GPM6A: variants seen among roughly 807,000 people sequenced by gnomAD.
GPM6A encodes neuronal membrane glycoprotein M6-a.
In GPM6A, 7 loss-of-function variants were observed where a neutral mutation model predicts 32.1. The ratio of observed to expected loss-of-function variants is 0.22; its 90% CI spans 0.12 to 0.41. The LOEUF (loss-of-function observed/expected upper bound fraction) is 0.41, where lower values mean the gene tolerates loss of function less well. Ranked by LOEUF, GPM6A falls within the 10% of genes least tolerant of loss-of-function variation. The pLI is 1.00. For missense variants in GPM6A, 235 were observed against 347.2 expected (o/e 0.68, Z 2.57); for synonymous variants, 130 against 123.4 (o/e 1.05, Z -0.35).
At chr4:175,646,784 C>G (rs558548134) in intron 4 of GPM6A, among the ~76,000 whole-genome samples, 1 of 152,166 alleles carries the variant, frequency 6.6e-6, no homozygotes, top group Non-Finnish European at 1.5e-5. Flanking sequence ...TGAAGCTGAC[C>G]AGATCACCAC....
intron 1 of GPM6A, among the ~76,000 whole-genome samples, chr4:175,949,108 T>C (rs1428915732): frequency 6.6e-6 from 1 of 152,084 alleles, no homozygotes; most frequent in Non-Finnish European, 1.5e-5. Flanking sequence ...GTAGCTAACT[T>C]AAACATTCAC....
intron 1 of GPM6A, among the ~76,000 whole-genome samples, chr4:175,991,075 C>CTT (rs36032066): frequency 0.13 from 17,551 of 140,028 alleles, 1,202 homozygotes; most frequent in East Asian, 0.23. Context: ...ATCTTTCTTT[C>CTT]TTTTTTTTTT....
chr4:175,874,172 A>G (rs1002754449), intron 1 of GPM6A, among the ~76,000 whole-genome samples: 2 of 152,170 alleles, frequency 1.3e-5, no homozygotes, highest in Admixed American at 6.6e-5. Context: ...GCACATCTTC[A>G]TGTTCCGCAG....
chr4:175,656,571 A>G (rs1016895533), intron 3 of GPM6A, among the ~76,000 whole-genome samples: 1 of 152,162 alleles, frequency 6.6e-6, no homozygotes, highest in Non-Finnish European at 1.5e-5. Flanking sequence ...AAACAGAACT[A>G]CAAGAGGCAA....
intron 1 of GPM6A, among the ~76,000 whole-genome samples, chr4:175,713,651 A>T (rs1745674710): frequency 6.6e-6 from 1 of 152,234 alleles, no homozygotes; most frequent in Non-Finnish European, 1.5e-5. Context: ...CATTACCAAA[A>T]ACAAACTCAA....
upstream of GPM6A, among the ~76,000 whole-genome samples, chr4:175,817,134 G>A (rs1055627494): frequency 2.0e-5 from 3 of 152,068 alleles, no homozygotes; most frequent in South Asian, 2.1e-4. Flanking sequence ...CTGGGATTAC[G>A]GGCGTGAGCC....
At chr4:175,996,379 C>T (rs1367015182) in intron 1 of GPM6A, among the ~76,000 whole-genome samples, 1 of 152,174 alleles carries the variant, frequency 6.6e-6, no homozygotes, top group Admixed American at 6.6e-5. Context: ...GTAAAGCTAA[C>T]ACATTCTTGA....
chr4:175,964,115 G>A (rs1740256608), intron 1 of GPM6A, among the ~76,000 whole-genome samples: 1 of 151,076 alleles, frequency 6.6e-6, no homozygotes, highest in African/African-American at 2.4e-5. Context: ...GAGAGAGAGA[G>A]AAAGAAACAA....
At chr4:175,847,849 G>A (rs2111396591) in intron 1 of GPM6A, among the ~76,000 whole-genome samples, 1 of 152,218 alleles carries the variant, frequency 6.6e-6, no homozygotes, top group African/African-American at 2.4e-5. Context: ...AGTGCTTTAG[G>A]ATGTAAAAGC....
intron 1 of GPM6A, among the ~76,000 whole-genome samples, chr4:175,925,850 C>CTTTTTTTTTTTTTT (rs60669466): frequency 2.2e-5 from 3 of 135,120 alleles, no homozygotes; most frequent in Admixed American, 7.5e-5. Flanking sequence ...CTTTTCTTTT[C>CTTTTTTTTTTTTTT]TTTTTTTTTT....
At chr4:175,970,264 G>A (rs1476494842) in intron 1 of GPM6A, among the ~76,000 whole-genome samples, 2 of 152,150 alleles carry the variant, frequency 1.3e-5, no homozygotes, top group Non-Finnish European at 2.9e-5. Context: ...CTTTGTAACA[G>A]AGAAGGAAAC....
intron 2 of GPM6A, among the ~76,000 whole-genome samples, chr4:175,695,002 C>T (rs1744498804): frequency 6.6e-6 from 1 of 152,228 alleles, no homozygotes; most frequent in South Asian, 2.1e-4. Context: ...CAACTCGGGC[C>T]ACTGCTTCAG....
intron 1 of GPM6A, among the ~76,000 whole-genome samples, chr4:175,852,670 G>T (rs1015202943): frequency 6.6e-6 from 1 of 152,140 alleles, no homozygotes; most frequent in Non-Finnish European, 1.5e-5. Flanking sequence ...ATGGGGTTTG[G>T]AAAATAATTT....
chr4:175,974,769 A>ATATT, intron 1 of GPM6A, among the ~76,000 whole-genome samples: 1 of 151,390 alleles, frequency 6.6e-6, no homozygotes, highest in Middle Eastern at 3.5e-3. Flanking sequence ...GGCAGCCTCA[A>ATATT]CATTCCAAGG....
At chr4:175,706,655 G>A (rs575815040) in intron 1 of GPM6A, among the ~76,000 whole-genome samples, 2 of 152,260 alleles carry the variant, frequency 1.3e-5, no homozygotes, top group Non-Finnish European at 2.9e-5. Flanking sequence ...TGTCCCATTA[G>A]TCTGTCTATC....
intron 1 of GPM6A, among the ~76,000 whole-genome samples, chr4:175,985,096 T>C (rs1377466624): frequency 1.3e-5 from 2 of 152,220 alleles, no homozygotes; most frequent in Non-Finnish European, 2.9e-5. Flanking sequence ...CTCTTTTCCT[T>C]ACAGAATTTT....
chr4:175,949,832 TA>T (rs879749265), intron 1 of GPM6A, among the ~76,000 whole-genome samples: 6 of 152,192 alleles, frequency 3.9e-5, no homozygotes, highest in Non-Finnish European at 7.3e-5. Context: ...ACAGCTTGTT[TA>T]AAAATTGTCT....
chr4:175,917,330 G>A (rs977488081), intron 1 of GPM6A, among the ~76,000 whole-genome samples: 5 of 151,856 alleles, frequency 3.3e-5, no homozygotes, highest in Non-Finnish European at 7.4e-5. Flanking sequence ...TTCCTTATAA[G>A]AGCCATCTTC....
chr4:175,909,871 A>G (rs183057796), intron 1 of GPM6A, among the ~76,000 whole-genome samples: 1 of 152,158 alleles, frequency 6.6e-6, no homozygotes, highest in South Asian at 2.1e-4. Flanking sequence ...AATGACATCA[A>G]AATATAAATT....
Sources: gnomAD v4.1 joint callset for allele counts (sites outside exome capture counted in the v4.1 genomes callset) on GRCh38, gnomAD v4.1.1 for gene constraint, MANE v1.5 for transcripts, NCBI Gene and HGNC (gene_info 2026-07-23, HGNC 2026-07-21) for gene names.